The following LRRC49 variants were observed in gnomAD, a reference collection of about 807,000 sequenced individuals.
The protein encoded by LRRC49 is leucine-rich repeat-containing protein 49.
A neutral mutation model predicts 83.3 loss-of-function variants in LRRC49; 50 were observed. The ratio of observed to expected loss-of-function variants is 0.60; its 90% CI spans 0.48 to 0.76. The LOEUF (loss-of-function observed/expected upper bound fraction) is 0.76. Ranked by LOEUF, LRRC49 falls within the 30% of genes least tolerant of loss-of-function variation. The pLI, the probability that LRRC49 is intolerant of heterozygous loss-of-function variation, is 0.00. For missense variants in LRRC49, 704 were observed against 809.1 expected (o/e 0.87, Z 1.58); for synonymous variants, 286 against 283.3 (o/e 1.01, Z -0.10).
chr15:71,013,786 G>C (rs1323995092), intron 14 of LRRC49, among the ~76,000 whole-genome samples: 1 of 152,148 alleles, frequency 6.6e-6, no homozygotes, highest in Non-Finnish European at 1.5e-5. Flanking sequence ...AGCCTCCAGA[G>C]ATATCTCCCA....
intron 2 of LRRC49, among the ~76,000 whole-genome samples, chr15:70,883,486 G>A (rs191179435): frequency 6.6e-6 from 1 of 151,892 alleles, no homozygotes; most frequent in Non-Finnish European, 1.5e-5. Context: ...GAGGCACCTC[G>A]CCCAACCAAG....
chr15:70,890,524 C>T (rs1181438318), upstream of LRRC49, among the ~76,000 whole-genome samples: 4 of 152,198 alleles, frequency 2.6e-5, no homozygotes, highest in African/African-American at 9.7e-5. Context: ...ATGATCCTAG[C>T]TCTCATGGAG....
At chr15:70,943,510 G>A (rs2035896694) in intron 8 of LRRC49, among the ~76,000 whole-genome samples, 1 of 152,172 alleles carries the variant, frequency 6.6e-6, no homozygotes, top group African/African-American at 2.4e-5. Flanking sequence ...CCCAGGTCTT[G>A]CATCCCTTCT....
chr15:70,967,085 A>G (rs1377222720), intron 9 of LRRC49, among the ~76,000 whole-genome samples: 4 of 152,120 alleles, frequency 2.6e-5, no homozygotes, highest in African/African-American at 9.7e-5. Context: ...GGTAAAGAAG[A>G]AGGAGGATGT....
chr15:70,857,292 G>A (rs2032677224), intron 1 of LRRC49, among the ~76,000 whole-genome samples: 1 of 152,156 alleles, frequency 6.6e-6, no homozygotes, highest in Non-Finnish European at 1.5e-5. Flanking sequence ...TGGCACTACA[G>A]CTGGAAACCA....
chr15:70,901,195 G>A (rs539115073), intron 4 of LRRC49, among the ~76,000 whole-genome samples, 171 bp downstream of exon 4: 2 of 151,994 alleles, frequency 1.3e-5, no homozygotes, highest in Non-Finnish European at 2.9e-5. Context: ...CTGAGGTATG[G>A]TGAGGAATTT....
At chr15:70,991,113 C>G (rs1351477108) in intron 11 of LRRC49, among the ~76,000 whole-genome samples, 1 of 152,206 alleles carries the variant, frequency 6.6e-6, no homozygotes, top group South Asian at 2.1e-4. Flanking sequence ...GTTACTCCAG[C>G]TGTGATCTAT....
At chr15:71,044,105 A>G (rs2039778619) in intron 15 of LRRC49, among the ~76,000 whole-genome samples, 1 of 152,212 alleles carries the variant, frequency 6.6e-6, no homozygotes, top group Non-Finnish European at 1.5e-5. Flanking sequence ...TATGTAGTCC[A>G]GATTTACTGA....
chr15:70,929,396 C>A (rs1193627222), intron 7 of LRRC49, among the ~76,000 whole-genome samples: 1 of 152,140 alleles, frequency 6.6e-6, no homozygotes, highest in Admixed American at 6.5e-5. Context: ...TATGTACATA[C>A]CTTAATTCAA....
intron 11 of LRRC49, among the ~76,000 whole-genome samples, chr15:70,987,711 C>G (rs1020274723): frequency 1.8e-4 from 27 of 152,070 alleles, no homozygotes; most frequent in Non-Finnish European, 3.4e-4. Flanking sequence ...TTTTCTAGTT[C>G]TTTTAATTGT....
exon 2 of LRRC49, chr15:70,873,025 T>C: frequency 1.7e-6 from 1 of 599,706 alleles, no homozygotes; most frequent in East Asian, 2.9e-5. Flanking sequence ...GCTGGGATTA[T>C]AGGTGCCCGC....
intron 11 of LRRC49, among the ~76,000 whole-genome samples, chr15:70,990,197 T>A (rs2037810996): frequency 6.6e-6 from 1 of 152,210 alleles, no homozygotes; most frequent in Non-Finnish European, 1.5e-5. Flanking sequence ...CTGCGGAGGT[T>A]ACTGCTGTCT....
chr15:70,893,662 A>C lies in LRRC49; in HGVS notation c.105+22A>C, dbSNP rs16954987. On this transcript the variant is annotated intron_variant, in intron 2 of 15. Transcript: ENST00000260382. ...CAAAGTAAGATTTAAGAAGGTTGGC[A>C]TTTAAATTGAAGATTGTTTTAAATT... The C allele has an allele frequency of 4.9e-3, 7,690 of 1,584,476 alleles. 312 individuals are homozygous for C. In the African/African-American group the frequency reaches 0.088, roughly 18 times the overall value.
At chr15:70,974,720 TAAAA>T (rs1343976655) in intron 9 of LRRC49, among the ~76,000 whole-genome samples, 2 of 129,152 alleles carry the variant, frequency 1.5e-5, no homozygotes, top group Admixed American at 7.9e-5. Context: ...CAAAGCATTG[TAAAA>T]AAAAAAAAAA....
In LRRC49 at chr15:70,963,826, C is replaced by T. The variant is rs1208450042; in HGVS notation, c.815C>T (p.Ser272Leu). The T allele has an allele frequency of 5.0e-6, 8 of 1,613,554 alleles. No homozygotes were observed. Among genetic ancestry groups the T allele is most frequent in the Non-Finnish European group, 6.8e-6 (8 of 1,179,620 alleles). Reference protein sequence around the residue: ...VSCLADSSSLSDITFDGNPIA... With the variant: ...VSCLADSSSLLDITFDGNPIA... ...TGCCTTGCTGACTCTTCTTCCCTCT[C>T]GGACATCACCTTTGATGGCAATCCC... Residue 272 changes from serine (S) to leucine (L), a missense_variant, in exon 9 of 16, where the codon TCG becomes TTG. Transcript: ENST00000260382.
rs1417247822 is a variant in LRRC49, at chr15:70,892,915, C to G, written c.21C>G (p.Arg7=). The G allele has an allele frequency of 3.1e-6, 5 of 1,614,104 alleles. No homozygotes were observed. Among genetic ancestry groups the G allele is most frequent in the East Asian group, 4.5e-5 (2 of 44,894 alleles). Residue 7 remains arginine, a synonymous_variant, in exon 1 of 16, where the codon CGC becomes CGG. Transcript: ENST00000260382. MIPGKY[R]SVSGRAANNV... Reference sequence around the variant, plus strand: ...CTATCATGATTCCCGGGAAATATCGCTCTGTTTCTGGCCGGGCTGCGAACA... The same window carrying G: ...CTATCATGATTCCCGGGAAATATCGGTCTGTTTCTGGCCGGGCTGCGAACA...
At chr15:70,959,090 T>TAA in intron 8 of LRRC49, among the ~76,000 whole-genome samples, 1 of 152,348 alleles carries the variant, frequency 6.6e-6, no homozygotes, top group East Asian at 1.9e-4. Context: ...CCTGAATAAA[T>TAA]AAAGTATTTA....
chr15:70,875,265 C>T (rs544787687), intron 2 of LRRC49, among the ~76,000 whole-genome samples: 1 of 152,242 alleles, frequency 6.6e-6, no homozygotes, highest in South Asian at 2.1e-4. Flanking sequence ...ACTTAGAAAA[C>T]ATCCAGTGTA....
intron 2 of LRRC49, among the ~76,000 whole-genome samples, chr15:70,874,005 T>A (rs2033103023): frequency 6.6e-6 from 1 of 152,228 alleles, no homozygotes; most frequent in Non-Finnish European, 1.5e-5. Context: ...TCCTTGACTG[T>A]AGAAACTCTA....
Sources: allele counts gnomAD v4.1 joint callset (sites outside exome capture counted in the v4.1 genomes callset), GRCh38; gene constraint gnomAD v4.1.1; transcripts MANE v1.5; gene names NCBI Gene and HGNC (gene_info 2026-07-23, HGNC 2026-07-21).